ST3GAL6: variants seen among roughly 807,000 people sequenced by gnomAD.
ST3GAL6 encodes the protein type 2 lactosamine alpha-2,3-sialyltransferase.
A neutral mutation model predicts 40.5 loss-of-function variants in ST3GAL6; 31 were observed. The observed-to-expected ratio is 0.77, with a 90% confidence interval of 0.58 to 1.03. ST3GAL6 has a LOEUF of 1.03. ST3GAL6 is among the 50% of genes least tolerant of loss of function. The probability of loss-of-function intolerance (pLI) is 0.00; values close to 1 mark genes in which losing one functional copy is unlikely to be tolerated. For missense variants in ST3GAL6, 357 were observed against 393.2 expected (o/e 0.91, Z 0.78); for synonymous variants, 129 against 136.9 (o/e 0.94, Z 0.40).
At chr3:98,763,675 G>A (rs1938023619) in intron 1 of ST3GAL6, among the ~76,000 whole-genome samples, 1 of 151,164 alleles carries the variant, frequency 6.6e-6, no homozygotes, top group African/African-American at 2.4e-5. Flanking sequence ...AGGAAGCAGG[G>A]AACAGAAGGG....
At position 98,794,488 on chromosome 3, in the gene ST3GAL6, A is replaced by ACAT. The variant is rs2107391668; in HGVS notation, c.*728_*730dup. On this transcript the variant is annotated 3_prime_UTR_variant, in exon 10 of 10. Transcript: ENST00000483910. ...CTCAAGAAGGAAAAAAAAATCTTGA[A>ACAT]CATTATTTTTTTTTGCCTGACTTAC... 1 of 152,294 alleles carries ACAT rather than the reference A, an allele frequency of 6.6e-6. No individual in the cohort carries two copies. The highest frequency in any genetic ancestry group is 6.5e-5 in the Admixed American group (1 of 15,290). The allele number at this position is 152,294 out of a possible 1,614,324, so 9.4% of individuals were successfully genotyped here. A position where few individuals can be genotyped will look rare whatever the true frequency, so the allele number is the denominator to read the frequency against.
rs1007891736 is a variant in ST3GAL6, at chr3:98,794,515, T to C, written c.*754T>C. On this transcript the variant is annotated 3_prime_UTR_variant, in exon 10 of 10. Coordinates refer to ENST00000483910, the MANE Select transcript of ST3GAL6 (RefSeq NM_001323368.2). ...ATTATTTTTTTTTGCCTGACTTACT[T>C]ATTCATTAAATTTTGAAGGTTTTCC... 2.0e-5 allele frequency: 3 copies of C among 150,306 alleles called. No individual in the cohort carries two copies. The highest frequency in any genetic ancestry group is 2.0e-4 in the Admixed American group (3 of 15,214). The allele number at this position is 150,306 out of a possible 1,614,324, so 9.3% of individuals were successfully genotyped here.
At chr3:98,779,339 G>A (rs537385912) in intron 5 of ST3GAL6, among the ~76,000 whole-genome samples, 1 of 152,328 alleles carries the variant, frequency 6.6e-6, no homozygotes, top group South Asian at 2.1e-4. Flanking sequence ...CATTGGCAGA[G>A]ACAATGAGCT....
rs897090709 is a variant in ST3GAL6 at position 98,794,957 on chromosome 3, C to T, written c.*1196C>T. 6.6e-6 allele frequency: 1 copy of T among 152,092 alleles called. No homozygotes were observed. Among genetic ancestry groups the T allele is most frequent in the African/African-American group, 2.4e-5 (1 of 41,402 alleles). 9.4% of individuals were successfully genotyped at this position (152,092 alleles called of 1,614,324 possible). ...GATTTAAATGGTACAAAAAGAATAT[C>T]TCATTTTCCCATGATTAAAGCTAAT... is the stretch of plus-strand genomic sequence containing the variant. On this transcript the variant is annotated 3_prime_UTR_variant, in exon 10 of 10. Transcript: ENST00000483910.
At chr3:98,780,931 A>G (rs1940047732) in intron 5 of ST3GAL6, among the ~76,000 whole-genome samples, 1 of 152,216 alleles carries the variant, frequency 6.6e-6, no homozygotes, top group South Asian at 2.1e-4. Context: ...TCTAAGACTG[A>G]GCTCAGTCAA....
intron 5 of ST3GAL6, chr3:98,782,321 T>C (rs1285520569): frequency 4.3e-6 from 3 of 703,378 alleles, no homozygotes; most frequent in East Asian, 2.7e-5. Context: ...AGCTAATTGA[T>C]GTATGCAAGA....
intron 5 of ST3GAL6, among the ~76,000 whole-genome samples, chr3:98,775,719 C>T (rs1939487629): frequency 6.6e-6 from 1 of 152,172 alleles, no homozygotes; most frequent in Non-Finnish European, 1.5e-5. Context: ...TTTTTCTCTT[C>T]TTGCTGCCTT....
chr3:98,753,713 C>T (rs1481099797), intron 1 of ST3GAL6, among the ~76,000 whole-genome samples: 1 of 152,156 alleles, frequency 6.6e-6, no homozygotes, highest in African/African-American at 2.4e-5. Context: ...GCCTGTAATC[C>T]CAGCATTTGG....
chr3:98,734,205 A>G (rs1158773660), intron 1 of ST3GAL6, among the ~76,000 whole-genome samples: 1 of 152,164 alleles, frequency 6.6e-6, no homozygotes, highest in Admixed American at 6.5e-5. Context: ...GATGTTAAAT[A>G]TTTGGGAACA....
chr3:98,782,748 C>T (rs1251350853), intron 5 of ST3GAL6: 1 of 506,854 alleles, frequency 2.0e-6, no homozygotes, highest in African/African-American at 2.0e-5. Flanking sequence ...CATGTTCAGC[C>T]TCCAAGTGGT....
rs537685892 is a variant in ST3GAL6 at position 98,769,582 on chromosome 3, G to T, written c.89+1053G>T. On this transcript the variant is annotated intron_variant, in intron 2 of 9. Coordinates refer to ENST00000483910, the MANE Select transcript of ST3GAL6 (RefSeq NM_001323368.2). ...TCCTATTGTTGGTCACAGGGAAAAT[G>T]ATAAAGAAGGTGATGAAAAGGATCT... 4.3e-4 allele frequency among the ~76,000 whole-genome samples: 65 copies of T among 151,026 alleles called. 1 individual carries two copies. The South Asian group carries it at 0.014, about 31-fold the overall frequency.
intron 5 of ST3GAL6, among the ~76,000 whole-genome samples, chr3:98,776,492 C>T (rs1939561382): frequency 6.6e-6 from 1 of 152,166 alleles, no homozygotes; most frequent in Non-Finnish European, 1.5e-5. Context: ...GTGAGCTGGG[C>T]CCACACGTCC....
chr3:98,784,891 G>C, intron 5 of ST3GAL6, 54 bp from the exon 6 acceptor site: 3 of 1,432,632 alleles, frequency 2.1e-6, no homozygotes, highest in Non-Finnish European at 2.9e-6. Context: ...TGGATTCTTG[G>C]AATCAGTTTT....
chr3:98,774,027 T>TAA, intron 5 of ST3GAL6, 44 bp downstream of exon 5: 5 of 1,484,974 alleles, frequency 3.4e-6, no homozygotes, highest in Non-Finnish European at 4.7e-6. Context: ...TAGCTTCAGC[T>TAA]AAGCTGGTTC....
chr3:98,743,429 G>T (rs553485603), intron 1 of ST3GAL6, among the ~76,000 whole-genome samples: 1 of 152,070 alleles, frequency 6.6e-6, no homozygotes, highest in East Asian at 1.9e-4. Flanking sequence ...GTCTGAACCC[G>T]CAGGGCTGAG....
intron 4 of ST3GAL6, 116 bp downstream of exon 4, chr3:98,773,032 G>A: frequency 3.3e-6 from 2 of 612,890 alleles, no homozygotes; most frequent in Admixed American, 2.9e-5. Context: ...GATTTCCAAT[G>A]GATATGATTT....
At chr3:98,732,612 C>T (rs1935117892) in intron 1 of ST3GAL6, 3 of 463,224 alleles carry the variant, frequency 6.5e-6, no homozygotes, top group Non-Finnish European at 1.1e-5. Flanking sequence ...CACTTTGCAC[C>T]TTCCTCCTCG....
In ST3GAL6 at chr3:98,740,225, CTT is replaced by C. The variant is rs764868667; in HGVS notation, c.-12+7714_-12+7715del. 7.6e-3 allele frequency among the ~76,000 whole-genome samples: 923 copies of C among 122,128 alleles called. 3 individuals are homozygous for C. Among genetic ancestry groups the C allele is most frequent in the East Asian group, 0.025 (107 of 4,314 alleles). 80.1% of individuals were successfully genotyped at this position (122,128 alleles called of 152,430 possible). On this transcript the variant is annotated intron_variant, in intron 1 of 9. Coordinates refer to the ST3GAL6 transcript ENST00000265261. ...AATCTGGCTCTCTTATTGCAAAACA[CTT>C]TTTTTTTTTTTTTTTTTTTTACAAA... is the stretch of plus-strand genomic sequence containing the variant.
intron 1 of ST3GAL6, chr3:98,732,995 G>T: frequency 6.8e-7 from 1 of 1,479,056 alleles, no homozygotes; most frequent in Non-Finnish European, 8.9e-7. Context: ...GCTTCGCTGC[G>T]GGTTTGCACT....
Sources: allele counts gnomAD v4.1 joint callset (sites outside exome capture counted in the v4.1 genomes callset), GRCh38; gene constraint gnomAD v4.1.1; transcripts MANE v1.5; gene names NCBI Gene and HGNC (gene_info 2026-07-23, HGNC 2026-07-21).